DYM: variants seen among roughly 807,000 people sequenced by gnomAD.
The protein encoded by DYM is dyggve-Melchior-Clausen syndrome protein.
Under a neutral mutation model 93.1 loss-of-function variants are expected in DYM, and 78 were observed. The observed-to-expected ratio is 0.84, with a 90% CI of 0.70 to 1.01. DYM has a LOEUF of 1.01. DYM is among the 50% of genes least tolerant of loss of function. DYM has a pLI of 0.00. For synonymous variants in DYM, 321 were observed against 319.7 expected, an observed-to-expected ratio of 1.00 and a Z score of -0.04; for missense variants, 789 against 845.0, an observed-to-expected ratio of 0.93 and a Z score of 0.82.
chr18:49,389,770 C>T (rs2069013370), intron 3 of DYM, among the ~76,000 whole-genome samples: 1 of 152,132 alleles, frequency 6.6e-6, no homozygotes, highest in South Asian at 2.1e-4. Context: ...TCAAGCAACC[C>T]TCCTGCCTCA....
chr18:49,216,825 GA>G (rs1488643105), intron 13 of DYM, among the ~76,000 whole-genome samples: 34 of 152,130 alleles, frequency 2.2e-4, no homozygotes, highest in Admixed American at 2.1e-3. Flanking sequence ...AAAAAAACTG[GA>G]AACTCTAAAA....
rs2070761987 is a variant in DYM at position 49,037,855 on chromosome 18, T to TGCCTCACCTCTA, written c.*6199_*6200insTAGAGGTGAGGC. On this transcript the variant is annotated 3_prime_UTR_variant, in exon 18 of 18. Coordinates refer to ENST00000675505, the MANE Select transcript of DYM (RefSeq NM_001353214.3). ...AGACTTTTTTTCTGAGACAGGGTCTTGCTCTGTCACCCAAGCTGGAGTGCA... is the reference window on the plus strand; with the variant it reads ...AGACTTTTTTTCTGAGACAGGGTCTTGCCTCACCTCTAGCTCTGTCACCCAAGCTGGAGTGCA... Among the ~76,000 whole-genome samples the TGCCTCACCTCTA allele has an allele frequency of 6.6e-6, 1 of 152,180 alleles. No individual in the cohort carries two copies. The highest frequency in any genetic ancestry group is 2.1e-4 in the South Asian group (1 of 4,828).
intron 13 of DYM, among the ~76,000 whole-genome samples, chr18:49,248,871 G>T (rs961916356): frequency 1.3e-5 from 2 of 152,132 alleles, no homozygotes; most frequent in African/African-American, 4.8e-5. Context: ...TGTAATACCT[G>T]AACACATCCA....
intron 2 of DYM, among the ~76,000 whole-genome samples, chr18:49,407,573 T>C (rs1352889537): frequency 6.6e-6 from 1 of 152,162 alleles, no homozygotes; most frequent in African/African-American, 2.4e-5. Flanking sequence ...TGCCACACTC[T>C]TTTAAACAAC....
chr18:49,111,196 T>C (rs2081357816), intron 16 of DYM, among the ~76,000 whole-genome samples: 2 of 152,180 alleles, frequency 1.3e-5, no homozygotes, highest in African/African-American at 4.8e-5. Context: ...TTCTTCTTTT[T>C]TTTTTTTAAA....
chr18:49,286,567 A>G lies in DYM; in HGVS notation c.813T>C (p.Ala271=), dbSNP rs1205950053. Residue 271 remains alanine (A), a synonymous_variant, in exon 9 of 18, where the codon GCT becomes GCC. Coordinates refer to ENST00000675505, the MANE Select transcript of DYM (RefSeq NM_001353214.3). ...GAGGGGAAGAAAGCTCTGGAGAGGC[A>G]GCCGCTTTGCTGCCCACACCACCTA... ...FTLGGVGSKA[A]ASPELSSPLA... The G allele has an allele frequency of 1.9e-6, 3 of 1,613,994 alleles. No homozygotes were observed. In the African/African-American group the frequency reaches 4.0e-5, roughly 22 times the overall value.
chr18:49,438,156 G>C (rs184862588), intron 1 of DYM, among the ~76,000 whole-genome samples: 194 of 152,290 alleles, frequency 1.3e-3, no homozygotes, highest in Non-Finnish European at 2.4e-3. Context: ...AACAGAGCAA[G>C]ACTTTGTATC....
At chr18:49,097,699 C>T (rs1281852522) in intron 16 of DYM, among the ~76,000 whole-genome samples, 184 bp from the exon 17 acceptor site, 1 of 152,290 alleles carries the variant, frequency 6.6e-6, no homozygotes, top group African/African-American at 2.4e-5. Context: ...TCAGAGGCAA[C>T]CCCTCAATAT....
chr18:49,305,025 G>A (rs938613842), intron 8 of DYM, among the ~76,000 whole-genome samples: 13 of 152,044 alleles, frequency 8.6e-5, no homozygotes, highest in African/African-American at 3.1e-4. Context: ...CCAGCATTCA[G>A]GTCACTTCCT....
At position 49,349,930 on chromosome 18, in the gene DYM, C is replaced by G. The variant is rs183740927; in HGVS notation, c.494+13231G>C. Among the ~76,000 whole-genome samples the G allele has an allele frequency of 5.0e-4, 76 of 152,266 alleles. No homozygotes were observed. In the Middle Eastern group the frequency reaches 0.01, roughly 20 times the overall value. ...CGTGATCGCACCACTGTACTCCAAC[C>G]TGGGTGACAGAGACCCTGTCTCAAA... is the stretch of plus-strand genomic sequence containing the variant. On this transcript the variant is annotated intron_variant, in intron 6 of 17. Coordinates refer to ENST00000675505, the MANE Select transcript of DYM (RefSeq NM_001353214.3).
At chr18:49,143,602 A>G (rs1270019298) in intron 15 of DYM, among the ~76,000 whole-genome samples, 1 of 152,158 alleles carries the variant, frequency 6.6e-6, no homozygotes, top group African/African-American at 2.4e-5. Context: ...CATAAAGGTT[A>G]AATATAGTTC....
chr18:49,172,803 C>T (rs1161311479), intron 14 of DYM, among the ~76,000 whole-genome samples: 4 of 152,050 alleles, frequency 2.6e-5, no homozygotes, highest in Non-Finnish European at 5.9e-5. Flanking sequence ...CAGTTCATCA[C>T]ATTTTTAAAA....
rs369594119 is a variant in DYM, at chr18:49,217,298, G to A, written c.1461-7583C>T. 2.4e-4 allele frequency among the ~76,000 whole-genome samples: 37 copies of A among 152,274 alleles called. No individual in the cohort carries two copies. In the East Asian group the frequency reaches 5.8e-3, roughly 24 times the overall value. ...TCTGATTGGTGTACCTGAAAGTGAC[G>A]GGGAGGATGGAACCAAGTTGGAAAA... On this transcript the variant is annotated intron_variant, in intron 13 of 17. Transcript: ENST00000675505.
At chr18:49,167,503 T>C (rs2088054110) in intron 14 of DYM, among the ~76,000 whole-genome samples, 1 of 152,194 alleles carries the variant, frequency 6.6e-6, no homozygotes, top group African/African-American at 2.4e-5. Flanking sequence ...ACTAAAATCT[T>C]ATAGCAAGTA....
At chr18:49,255,309 T>C (rs1598927778) in intron 13 of DYM, among the ~76,000 whole-genome samples, 1 of 152,088 alleles carries the variant, frequency 6.6e-6, no homozygotes, top group Non-Finnish European at 1.5e-5. Flanking sequence ...GCCCAGGAGT[T>C]TGAGCTTTCA....
At chr18:49,090,986 AC>A (rs2078998604) in intron 17 of DYM, among the ~76,000 whole-genome samples, 3 of 152,254 alleles carry the variant, frequency 2.0e-5, no homozygotes, top group African/African-American at 7.2e-5. Flanking sequence ...AACTATTCCA[AC>A]AAAGTGACCA....
chr18:49,458,385 A>C (rs2083180080), intron 1 of DYM, among the ~76,000 whole-genome samples: 3 of 152,162 alleles, frequency 2.0e-5, no homozygotes, highest in Admixed American at 2.0e-4. Context: ...AAATCAGGAG[A>C]TAATTATGCC....
At chr18:49,149,604 A>G (rs1466942379) in intron 15 of DYM, among the ~76,000 whole-genome samples, 1 of 149,840 alleles carries the variant, frequency 6.7e-6, no homozygotes, top group Non-Finnish European at 1.5e-5. Flanking sequence ...GAGATTTTTT[A>G]TTGTCACTGG....
chr18:49,407,468 A>AGC (rs1394448332), intron 2 of DYM, among the ~76,000 whole-genome samples: 1 of 152,240 alleles, frequency 6.6e-6, no homozygotes, highest in African/African-American at 2.4e-5. Context: ...AGCTTCTGGT[A>AGC]AGGCCTCAGG....
Sources: allele counts gnomAD v4.1 joint callset (sites outside exome capture counted in the v4.1 genomes callset), GRCh38; gene constraint gnomAD v4.1.1; transcripts MANE v1.5; gene names NCBI Gene and HGNC (gene_info 2026-07-23, HGNC 2026-07-21).